Variants in NAA15 observed in about 807,000 individuals in gnomAD.
NAA15 encodes the protein N-terminal acetyltransferase.
Under a neutral mutation model 114.0 loss-of-function variants are expected in NAA15, and 34 were observed. The observed-to-expected ratio is 0.30, with a 90% CI of 0.23 to 0.40. The LOEUF (loss-of-function observed/expected upper bound fraction) is 0.40. Ranked by LOEUF, NAA15 falls within the 10% of genes least tolerant of loss-of-function variation. NAA15 has a pLI of 1.00. For missense variants in NAA15, 658 were observed against 1,004.5 expected, an observed-to-expected ratio of 0.66 and a Z score of 4.66; for synonymous variants, 340 against 338.0, an observed-to-expected ratio of 1.01 and a Z score of -0.06.
intron 1 of NAA15, among the ~76,000 whole-genome samples, chr4:139,311,705 C>T (rs1242277603): frequency 6.6e-6 from 1 of 151,866 alleles, no homozygotes. Context: ...AGCCATACGT[C>T]ATTTCATAAA....
chr4:139,365,786 A>G (rs1366560766), intron 14 of NAA15, among the ~76,000 whole-genome samples: 1 of 152,178 alleles, frequency 6.6e-6, no homozygotes, highest in East Asian at 1.9e-4. Context: ...TGGAAGTCAG[A>G]GCTGCAGTGA....
At chr4:139,362,051 T>TA in intron 14 of NAA15, 114 bp downstream of exon 14, 2 of 597,638 alleles carry the variant, frequency 3.3e-6, no homozygotes, top group South Asian at 8.6e-5. Context: ...GGAAAGATAT[T>TA]ATACAAGGTT....
rs150597545 is a variant in NAA15, at chr4:139,315,618, G to A, written c.54+13787G>A. ...CCTCCCAAATTAGGTAGTGAGATAC[G>A]TATACAAGTGCATGCCCAATGGTAA... On this transcript the variant is annotated intron_variant, in intron 1 of 19. Coordinates refer to ENST00000296543, the MANE Select transcript of NAA15 (RefSeq NM_057175.5). Among the ~76,000 whole-genome samples, 26 of 151,818 alleles carry A rather than the reference G, an allele frequency of 1.7e-4. 1 individual carries two copies. The highest frequency in any genetic ancestry group is 6.1e-4 in the African/African-American group (25 of 41,246).
rs1375997108 is a variant in NAA15 at position 139,301,649 on chromosome 4, C to T, written c.-129C>T. 6.3e-6 allele frequency: 7 copies of T among 1,103,992 alleles called. No homozygotes were observed. Among genetic ancestry groups the T allele is most frequent in the Non-Finnish European group, 9.1e-6 (7 of 769,180 alleles). The allele number at this position is 1,103,992 out of a possible 1,614,324, so 68.4% of individuals were successfully genotyped here. ...CCGGGTAGGGCAACGCGGCGACACC[C>T]GAGGCCTGGTGGTGGCGGCGGATCG... On this transcript the variant is annotated 5_prime_UTR_variant, in exon 1 of 20. Transcript: ENST00000296543.
At chr4:139,310,113 A>G (rs1300565612) in intron 1 of NAA15, among the ~76,000 whole-genome samples, 1 of 152,176 alleles carries the variant, frequency 6.6e-6, no homozygotes, top group Non-Finnish European at 1.5e-5. Flanking sequence ...GCTTCTGACA[A>G]TGAAGTTCTG....
chr4:139,331,820 A>T (rs182910363), intron 1 of NAA15, among the ~76,000 whole-genome samples: 239 of 152,046 alleles, frequency 1.6e-3, no homozygotes, highest in Non-Finnish European at 1.3e-3. Context: ...ATAACTATGC[A>T]TATATTGTTC....
intron 14 of NAA15, among the ~76,000 whole-genome samples, chr4:139,369,488 C>A (rs1404529132): frequency 6.6e-6 from 1 of 151,968 alleles, no homozygotes; most frequent in Admixed American, 6.6e-5. Flanking sequence ...GCCTGTAATC[C>A]CAGCACTTTG....
intron 1 of NAA15, among the ~76,000 whole-genome samples, chr4:139,329,486 G>A (rs1008154585): frequency 2.0e-5 from 3 of 152,124 alleles, no homozygotes; most frequent in African/African-American, 7.2e-5. Context: ...GAAGATGCTT[G>A]TCTGTCAACC....
chr4:139,353,273 G>A (rs1269347844), intron 9 of NAA15, among the ~76,000 whole-genome samples: 6 of 152,168 alleles, frequency 3.9e-5, no homozygotes, highest in African/African-American at 9.7e-5. Context: ...TTGTAGCTCA[G>A]CTTGTAGGAG....
At chr4:139,382,355 A>C (rs1436346207) in intron 17 of NAA15, among the ~76,000 whole-genome samples, 1 of 152,174 alleles carries the variant, frequency 6.6e-6, no homozygotes, top group Non-Finnish European at 1.5e-5. Flanking sequence ...TATTTGCTTC[A>C]GTTTTGGTAG....
At chr4:139,342,747 C>G in intron 4 of NAA15, 79 bp from the exon 5 acceptor site, 1 of 1,408,340 alleles carries the variant, frequency 7.1e-7, no homozygotes, top group Non-Finnish European at 9.8e-7. Context: ...TGCGCCTGGC[C>G]TAATATGGAG....
intron 17 of NAA15, among the ~76,000 whole-genome samples, chr4:139,379,830 G>A (rs1025394876): frequency 2.6e-5 from 4 of 152,092 alleles, no homozygotes; most frequent in African/African-American, 7.2e-5. Flanking sequence ...GATCACTTGC[G>A]GTCAGGAGTT....
chr4:139,309,070 G>A (rs577353479), intron 1 of NAA15, among the ~76,000 whole-genome samples: 3 of 151,892 alleles, frequency 2.0e-5, no homozygotes, highest in South Asian at 2.1e-4. Flanking sequence ...AGTGAGGGCC[G>A]GGCACAGTGG....
chr4:139,336,789 T>C (rs1747214329), intron 2 of NAA15, 59 bp from the exon 3 acceptor site: 1 of 1,006,910 alleles, frequency 9.9e-7, no homozygotes, highest in East Asian at 2.9e-5. Flanking sequence ...TCTGTTGTTA[T>C]TTATTTTTAA....
chr4:139,355,340 C>G (rs1443969953), intron 10 of NAA15, among the ~76,000 whole-genome samples: 1 of 151,632 alleles, frequency 6.6e-6, no homozygotes, highest in Non-Finnish European at 1.5e-5. Flanking sequence ...CTCTTAAACT[C>G]TTTTTATCTT....
At chr4:139,332,275 C>T (rs753287766) in intron 1 of NAA15, among the ~76,000 whole-genome samples, 10 of 151,708 alleles carry the variant, frequency 6.6e-5, no homozygotes, top group Middle Eastern at 3.2e-3. Context: ...GGATTACAGG[C>T]GCCCGCCACC....
chr4:139,391,239 T>C lies in NAA15; in HGVS notation c.*3155T>C, dbSNP rs1749049991. Reference sequence around the variant, plus strand: ...TACCATTCTGCTATCATCTAAACTTTGCTGAACTCTACTGCCAACCTACAT... The same window carrying C: ...TACCATTCTGCTATCATCTAAACTTCGCTGAACTCTACTGCCAACCTACAT... On this transcript the variant is annotated 3_prime_UTR_variant, in exon 20 of 20. Coordinates refer to ENST00000296543, the MANE Select transcript of NAA15 (RefSeq NM_057175.5). 1 of 152,246 alleles carries C rather than the reference T, an allele frequency of 6.6e-6. No homozygotes were observed. The highest frequency in any genetic ancestry group is 2.4e-5 in the African/African-American group (1 of 41,462). 9.4% of individuals were successfully genotyped at this position (152,246 alleles called of 1,614,324 possible). A position where few individuals can be genotyped will look rare whatever the true frequency, so the allele number is the denominator to read the frequency against.
chr4:139,376,418 G>T lies in NAA15; in HGVS notation c.2001G>T (p.Leu667Phe). The change falls in exon 16 of 20, where the codon TTG becomes TTT. Residue 667 changes from leucine to phenylalanine, a missense_variant. Leu to Phe is a conservative substitution (Grantham distance 22, BLOSUM62 0). Transcript: ENST00000296543. ...AIKFLTPLKN[L>F]VKNKIETHLF... The stretch of plus-strand genomic sequence containing the variant: ...AATTTTTAACACCGTTGAAGAACTT[G>T]GTGAAGAACAAGATAGAGACTCATC... 1 of 1,613,324 alleles carries T rather than the reference G, an allele frequency of 6.2e-7. No individual in the cohort carries two copies. The highest frequency in any genetic ancestry group is 8.5e-7 in the Non-Finnish European group (1 of 1,179,536).
intron 17 of NAA15, among the ~76,000 whole-genome samples, chr4:139,381,913 C>T (rs1379284734): frequency 1.3e-5 from 2 of 152,158 alleles, no homozygotes; most frequent in Admixed American, 6.5e-5. Flanking sequence ...TTCCCCTTCT[C>T]GCTCATCAGT....
Sources: gnomAD v4.1 joint callset for allele counts (sites outside exome capture counted in the v4.1 genomes callset) on GRCh38, gnomAD v4.1.1 for gene constraint, MANE v1.5 for transcripts, NCBI Gene and HGNC (gene_info 2026-07-23, HGNC 2026-07-21) for gene names.